Variants in NAALADL2 observed in about 807,000 individuals in gnomAD.
The protein encoded by NAALADL2 is inactive N-acetylated-alpha-linked acidic dipeptidase-like protein 2.
Under a neutral mutation model 87.2 loss-of-function variants are expected in NAALADL2, and 76 were observed. That is an observed-to-expected ratio of 0.87 (90% confidence interval 0.72 to 1.05). The LOEUF (loss-of-function observed/expected upper bound fraction) is 1.05. NAALADL2 is among the 50% of genes least tolerant of loss of function. The pLI, the probability that NAALADL2 is intolerant of heterozygous loss-of-function variation, is 0.00. For synonymous variants in NAALADL2, 354 were observed against 331.0 expected (o/e 1.07, Z -0.75); for missense variants, 1,089 against 945.8 (o/e 1.15, Z -1.99).
At chr3:175,384,430 A>C (rs1366825389) in intron 5 of NAALADL2, among the ~76,000 whole-genome samples, 2 of 152,032 alleles carry the variant, frequency 1.3e-5, no homozygotes, top group Admixed American at 1.3e-4. Context: ...CTTTATCATT[A>C]TATCCTCAGA....
At chr3:174,871,671 G>A (rs892918541) in intron 1 of NAALADL2, among the ~76,000 whole-genome samples, 3 of 152,146 alleles carry the variant, frequency 2.0e-5, no homozygotes, top group African/African-American at 7.2e-5. Context: ...GGCCAAGGTG[G>A]GTGGATCACC....
intron 4 of NAALADL2, among the ~76,000 whole-genome samples, chr3:175,263,020 A>G (rs537620093): frequency 8.6e-5 from 13 of 151,538 alleles, no homozygotes; most frequent in African/African-American, 3.1e-4. Context: ...AAAACAAAAA[A>G]CAATGTCTCC....
intron 1 of NAALADL2, among the ~76,000 whole-genome samples, chr3:174,883,021 G>C (rs540449319): frequency 6.6e-6 from 1 of 151,860 alleles, no homozygotes; most frequent in African/African-American, 2.4e-5. Context: ...AAGCCAGTCC[G>C]AGATCCAAAA....
intron 1 of NAALADL2, among the ~76,000 whole-genome samples, chr3:174,995,135 CA>C (rs534512303): frequency 3.8e-4 from 55 of 142,982 alleles, no homozygotes; most frequent in East Asian, 3.8e-3. Flanking sequence ...AAAATAATAG[CA>C]AAAAAAAAAG....
At chr3:175,100,578 C>T (rs1416729826) in intron 2 of NAALADL2, among the ~76,000 whole-genome samples, 1 of 152,130 alleles carries the variant, frequency 6.6e-6, no homozygotes, top group Non-Finnish European at 1.5e-5. Flanking sequence ...TGGGTAATGC[C>T]TGTAATCCCA....
chr3:175,096,687 T>C (rs1721217409), intron 1 of NAALADL2, 103 bp from the exon 2 acceptor site: 1 of 591,040 alleles, frequency 1.7e-6, no homozygotes, highest in East Asian at 3.1e-5. Context: ...CCCTGTATTA[T>C]AATCATTAAA....
chr3:175,096,726 C>A, intron 1 of NAALADL2, 64 bp from the exon 2 acceptor site: 1 of 1,127,608 alleles, frequency 8.9e-7, no homozygotes, highest in Non-Finnish European at 1.2e-6. Flanking sequence ...GTTTTGTTTT[C>A]ACTTTGTTAG....
At chr3:175,114,534 T>A (rs1329109860) in intron 2 of NAALADL2, among the ~76,000 whole-genome samples, 2 of 151,708 alleles carry the variant, frequency 1.3e-5, no homozygotes, top group African/African-American at 2.4e-5. Context: ...ATAAGTGTTT[T>A]ACTTTTCTTA....
intron 9 of NAALADL2, among the ~76,000 whole-genome samples, chr3:175,479,466 A>G (rs6768532): frequency 0.77 from 115,544 of 151,018 alleles, 44,424 homozygotes; most frequent in East Asian, 0.9. Flanking sequence ...TTTTCCTTCA[A>G]TCATCTTGTG....
intron 3 of NAALADL2, among the ~76,000 whole-genome samples, chr3:174,831,852 G>A (rs867780357): frequency 0.01 from 1,516 of 149,730 alleles, 16 homozygotes; most frequent in African/African-American, 0.033. Context: ...TGTATGTGTC[G>A]AGGAATTTAT....
intron 1 of NAALADL2, among the ~76,000 whole-genome samples, chr3:175,034,097 A>G (rs1217676163): frequency 6.6e-6 from 1 of 152,126 alleles, no homozygotes; most frequent in East Asian, 1.9e-4. Context: ...GCCATGTATA[A>G]TCCATGAGAA....
At chr3:175,551,976 G>C (rs995685144) in intron 9 of NAALADL2, among the ~76,000 whole-genome samples, 1 of 149,808 alleles carries the variant, frequency 6.7e-6, no homozygotes, top group African/African-American at 2.5e-5. Flanking sequence ...AGTATATTCT[G>C]TTTGTGATAA....
chr3:175,182,535 A>G (rs1736720268), intron 2 of NAALADL2, among the ~76,000 whole-genome samples: 1 of 142,144 alleles, frequency 7.0e-6, no homozygotes, highest in Non-Finnish European at 1.5e-5. Context: ...CTATAAGTCC[A>G]TGACACCACA....
At chr3:175,378,215 C>T (rs1767390374) in intron 5 of NAALADL2, among the ~76,000 whole-genome samples, 1 of 152,170 alleles carries the variant, frequency 6.6e-6, no homozygotes, top group Non-Finnish European at 1.5e-5. Context: ...GCTCCTGCAC[C>T]TGCTTACCTG....
chr3:175,204,947 A>T (rs550479554), intron 2 of NAALADL2, among the ~76,000 whole-genome samples: 1 of 152,252 alleles, frequency 6.6e-6, no homozygotes, highest in South Asian at 2.1e-4. Context: ...TGCTGAAAGA[A>T]ATCATAGAAG....
chr3:175,002,187 G>T (rs543079466), intron 1 of NAALADL2, among the ~76,000 whole-genome samples: 41 of 152,196 alleles, frequency 2.7e-4, no homozygotes, highest in African/African-American at 9.6e-4. Flanking sequence ...TATGTGTAAA[G>T]ATATTGTTGA....
intron 2 of NAALADL2, among the ~76,000 whole-genome samples, chr3:174,606,772 C>A (rs1719122189): frequency 6.6e-6 from 1 of 152,080 alleles, no homozygotes; most frequent in African/African-American, 2.4e-5. Flanking sequence ...GAGAACTTCC[C>A]CAATCTAGCA....
intron 1 of NAALADL2, among the ~76,000 whole-genome samples, chr3:174,449,790 CT>C (rs1406157745): frequency 6.6e-6 from 1 of 152,136 alleles, no homozygotes; most frequent in African/African-American, 2.4e-5. Context: ...GTCATAGCCA[CT>C]TTTTCATTAG....
chr3:174,642,699 A>G (rs1305331678), intron 2 of NAALADL2, among the ~76,000 whole-genome samples: 1 of 145,224 alleles, frequency 6.9e-6, no homozygotes, highest in African/African-American at 2.6e-5. Flanking sequence ...TAAAAACATT[A>G]ATATTGTGTG....
Sources: allele counts gnomAD v4.1 joint callset (sites outside exome capture counted in the v4.1 genomes callset), GRCh38; gene constraint gnomAD v4.1.1; transcripts MANE v1.5; gene names NCBI Gene and HGNC (gene_info 2026-07-23, HGNC 2026-07-21).